Variants in TTC39C observed in about 807,000 individuals in gnomAD.
TTC39C encodes tetratricopeptide repeat protein 39C.
Under a neutral mutation model 76.3 loss-of-function variants are expected in TTC39C, and 33 were observed. The observed-to-expected ratio is 0.43, with a 90% confidence interval of 0.33 to 0.58. The LOEUF (loss-of-function observed/expected upper bound fraction) is 0.58. TTC39C is among the 20% of genes least tolerant of loss of function. TTC39C has a pLI of 0.04. For synonymous variants in TTC39C, 254 were observed against 260.6 expected, an observed-to-expected ratio of 0.97 and a Z score of 0.24; for missense variants, 595 against 701.4, an observed-to-expected ratio of 0.85 and a Z score of 1.71.
intron 1 of TTC39C, among the ~76,000 whole-genome samples, chr18:23,993,422 A>G (rs1429437): frequency 6.6e-6 from 1 of 152,106 alleles, no homozygotes; most frequent in Admixed American, 6.5e-5. Context: ...CAGATGCTCA[A>G]TAAATGCCAT....
intron 1 of TTC39C, among the ~76,000 whole-genome samples, chr18:24,052,028 A>G (rs111334985): frequency 5.4e-4 from 83 of 152,322 alleles, no homozygotes; most frequent in African/African-American, 1.9e-3. Flanking sequence ...AATAGTAATA[A>G]ATGCTCTGCA....
intron 6 of TTC39C, among the ~76,000 whole-genome samples, chr18:24,103,760 T>C (rs867097738): frequency 7.1e-6 from 1 of 139,970 alleles, no homozygotes; most frequent in South Asian, 2.4e-4. Context: ...TCCTGGATGG[T>C]CACATCATCC....
chr18:24,002,405 G>T (rs1287518287), intron 1 of TTC39C, among the ~76,000 whole-genome samples: 1 of 152,194 alleles, frequency 6.6e-6, no homozygotes, highest in African/African-American at 2.4e-5. Context: ...TCTAGTGATG[G>T]TTACTTGCTC....
intron 10 of TTC39C, 171 bp downstream of exon 10, chr18:24,125,721 G>C: frequency 1.3e-6 from 1 of 761,984 alleles, no homozygotes; most frequent in Admixed American, 2.7e-5. Flanking sequence ...CTGTCACTTA[G>C]GTGATGGGAG....
intron 6 of TTC39C, chr18:24,113,644 G>C: frequency 1.4e-6 from 1 of 702,370 alleles, no homozygotes; most frequent in Non-Finnish European, 2.6e-6. Flanking sequence ...TCGTCTGGCT[G>C]TTTAAGATTT....
Position 24,132,985 on chromosome 18 carries a change from TA to T in TTC39C, c.*412del, listed in dbSNP as rs1166854763. On this transcript the variant is annotated 3_prime_UTR_variant, in exon 14 of 14. Coordinates refer to ENST00000317571, the MANE Select transcript of TTC39C (RefSeq NM_001135993.2). ...ATTAACAATATCATGACATAGCATT[TA>T]TATTTGTGTTTTGAAAAAATAAAAG... The T allele has an allele frequency of 6.4e-6, 1 of 155,294 alleles. No individual in the cohort carries two copies. Among genetic ancestry groups the T allele is most frequent in the Non-Finnish European group, 1.4e-5 (1 of 70,294 alleles). 9.6% of individuals were successfully genotyped at this position (155,294 alleles called of 1,614,324 possible). A position where few individuals can be genotyped will look rare whatever the true frequency, so the allele number is the denominator to read the frequency against.
rs1555775349 is a variant in TTC39C at position 24,092,127 on chromosome 18, A to AATAATAATC, written c.984+9054_984+9055insCATAATAAT. Among the ~76,000 whole-genome samples, 368 of 132,504 alleles carry AATAATAATC rather than the reference A, an allele frequency of 2.8e-3. 8 individuals carry two copies. Among genetic ancestry groups the AATAATAATC allele is most frequent in the African/African-American group, 6.3e-3 (211 of 33,450 alleles). The allele number at this position is 132,504 out of a possible 152,430, so 86.9% of individuals were successfully genotyped here. A position where few individuals can be genotyped will look rare whatever the true frequency, so the allele number is the denominator to read the frequency against. The stretch of plus-strand genomic sequence containing the variant: ...AAAAAAAAAAAAAAAAAAAAAAAAT[A>AATAATAATC]ATAATAATAGACAACGGATCTGAAG... On this transcript the variant is annotated intron_variant, in intron 6 of 13. Transcript: ENST00000317571.
At chr18:24,063,331 C>CT in intron 1 of TTC39C, among the ~76,000 whole-genome samples, 1 of 152,144 alleles carries the variant, frequency 6.6e-6, no homozygotes, top group East Asian at 1.9e-4. Flanking sequence ...TGTGTGAAGT[C>CT]TGACTCAGTG....
intron 1 of TTC39C, among the ~76,000 whole-genome samples, chr18:24,052,630 T>C (rs1369013002): frequency 6.6e-6 from 1 of 152,242 alleles, no homozygotes; most frequent in African/African-American, 2.4e-5. Context: ...TGGAAAACTA[T>C]AAATTATTTA....
intron 1 of TTC39C, among the ~76,000 whole-genome samples, chr18:24,046,186 C>T (rs2083882037): frequency 6.6e-6 from 1 of 151,832 alleles, no homozygotes; most frequent in Non-Finnish European, 1.5e-5. Context: ...GATCCACCTG[C>T]CTTGGCCTCC....
At chr18:24,057,656 A>G (rs934689437) in intron 1 of TTC39C, among the ~76,000 whole-genome samples, 1 of 152,242 alleles carries the variant, frequency 6.6e-6, no homozygotes, top group African/African-American at 2.4e-5. Context: ...CTGTAATACT[A>G]GATCTGTTCT....
chr18:24,023,782 G>A lies in TTC39C; in HGVS notation c.167+8744G>A, dbSNP rs991454460. Among the ~76,000 whole-genome samples, 13 of 146,884 alleles carry A rather than the reference G, an allele frequency of 8.9e-5. No individual in the cohort carries two copies. The East Asian group carries it at 2.2e-3, about 25-fold the overall frequency. On this transcript the variant is annotated intron_variant, in intron 1 of 13. Transcript: ENST00000317571. ...GAAGCTTGCTAGAGCAGTGACTCTCGACTCTGTCACACCAAATGCCCCCTT... is the reference window on the plus strand; with the variant it reads ...GAAGCTTGCTAGAGCAGTGACTCTCAACTCTGTCACACCAAATGCCCCCTT...
At chr18:24,023,396 G>A (rs752294790) in intron 1 of TTC39C, among the ~76,000 whole-genome samples, 16 of 152,192 alleles carry the variant, frequency 1.1e-4, no homozygotes, top group Non-Finnish European at 2.2e-4. Context: ...GGTCTCAACA[G>A]TGCCATCACA....
intron 1 of TTC39C, 88 bp downstream of exon 1, chr18:24,015,126 CCT>C: frequency 8.1e-7 from 1 of 1,234,628 alleles, no homozygotes. Flanking sequence ...CCGGGAGCCC[CCT>C]CCCCCTCCTG....
chr18:24,036,034 G>C (rs1360458232), intron 1 of TTC39C, among the ~76,000 whole-genome samples: 2 of 151,290 alleles, frequency 1.3e-5, no homozygotes, highest in Non-Finnish European at 2.9e-5. Flanking sequence ...TGAAAAGATT[G>C]CCCTCCATGC....
At chr18:24,023,981 C>G (rs9675486) in intron 1 of TTC39C, among the ~76,000 whole-genome samples, 13 of 17,840 alleles carry the variant, frequency 7.3e-4, no homozygotes, top group East Asian at 5.1e-3. Flanking sequence ...TATATATATA[C>G]ATATATATAT....
intron 1 of TTC39C, among the ~76,000 whole-genome samples, chr18:24,018,165 A>C (rs766386726): frequency 6.6e-5 from 10 of 152,202 alleles, no homozygotes; most frequent in Non-Finnish European, 1.0e-4. Context: ...GTATAGTAAT[A>C]ATGTAGCAAC....
chr18:24,101,479 A>T (rs1008128495), intron 6 of TTC39C, among the ~76,000 whole-genome samples: 1 of 152,082 alleles, frequency 6.6e-6, no homozygotes, highest in South Asian at 2.1e-4. Flanking sequence ...GAATCGCTTG[A>T]ACCCAGGAGG....
At chr18:24,008,674 T>C (rs1213015120) in intron 1 of TTC39C, among the ~76,000 whole-genome samples, 3 of 152,206 alleles carry the variant, frequency 2.0e-5, no homozygotes, top group African/African-American at 7.2e-5. Flanking sequence ...AGCATTCCCA[T>C]TATTGGGTAT....
Sources: gnomAD v4.1 joint callset for allele counts (sites outside exome capture counted in the v4.1 genomes callset) on GRCh38, gnomAD v4.1.1 for gene constraint, MANE v1.5 for transcripts, NCBI Gene and HGNC (gene_info 2026-07-23, HGNC 2026-07-21) for gene names.